Variants in LPCAT2 observed in about 807,000 individuals in gnomAD.
The protein encoded by LPCAT2 is lysophosphatidylcholine acyltransferase 2.
LPCAT2 carries 58 observed loss-of-function variants against 64.7 expected under a neutral mutation model. The ratio of observed to expected loss-of-function variants is 0.90; its 90% CI spans 0.73 to 1.12. LPCAT2 has a LOEUF of 1.12. Ranked by LOEUF, LPCAT2 falls within the 50% of genes most tolerant of loss-of-function variation. The probability of loss-of-function intolerance (pLI) is 0.00; values close to 1 mark genes in which losing one functional copy is unlikely to be tolerated. For missense variants in LPCAT2, 579 were observed against 669.8 expected (o/e 0.86, Z 1.50); for synonymous variants, 252 against 245.3 (o/e 1.03, Z -0.26).
At chr16:55,514,890 T>TG (rs1962986721) in intron 1 of LPCAT2, among the ~76,000 whole-genome samples, 1 of 141,236 alleles carries the variant, frequency 7.1e-6, no homozygotes, top group Admixed American at 7.1e-5. Context: ...ATGCAATGCA[T>TG]TGTGTGTGTG....
At chr16:55,574,341 C>T (rs1963803231) in intron 11 of LPCAT2, among the ~76,000 whole-genome samples, 1 of 152,188 alleles carries the variant, frequency 6.6e-6, no homozygotes, top group Admixed American at 6.5e-5. Flanking sequence ...CCCAGAGGGG[C>T]TCCCATCATG....
intron 11 of LPCAT2, 104 bp from the exon 12 acceptor site, chr16:55,574,527 T>C (rs1340964541): frequency 3.9e-6 from 3 of 762,626 alleles, no homozygotes; most frequent in Non-Finnish European, 7.0e-6. Flanking sequence ...AAATAGTGAA[T>C]GATGAGGTTG....
chr16:55,576,713 A>T (rs1442861528), intron 12 of LPCAT2, among the ~76,000 whole-genome samples: 4 of 152,144 alleles, frequency 2.6e-5, no homozygotes, highest in African/African-American at 9.7e-5. Context: ...CAATGGGGAG[A>T]TATCAGTCCC....
At chr16:55,521,271 G>T (rs1381154351) in intron 1 of LPCAT2, among the ~76,000 whole-genome samples, 22 of 151,834 alleles carry the variant, frequency 1.4e-4, no homozygotes, top group African/African-American at 5.3e-4. Context: ...ATCAAAAATA[G>T]ACACAAGAAC....
At chr16:55,538,338 TC>T (rs1963349896) in intron 8 of LPCAT2, 1 of 152,212 alleles carries the variant, frequency 6.6e-6, no homozygotes, top group African/African-American at 2.4e-5. Flanking sequence ...ATAATGGGTC[TC>T]CTAGATTTTC....
rs746826897 is a variant in LPCAT2 at position 55,579,234 on chromosome 16, A to G, written c.1440A>G (p.Ser480=). 9 of 1,612,836 alleles carry G rather than the reference A, an allele frequency of 5.6e-6. No individual in the cohort carries two copies. The highest frequency in any genetic ancestry group is 7.6e-6 in the Non-Finnish European group (9 of 1,179,384). Reference sequence around the variant, plus strand: ...TCAAGGAAATAGCCCAAGGGGACTCAATTTCCTATGGTGAGTAGGCAATCT... The same window carrying G: ...TCAAGGAAATAGCCCAAGGGGACTCGATTTCCTATGGTGAGTAGGCAATCT... The part of the protein sequence containing the change: ...GLFKEIAQGD[S]ISYEEFKSFA... The change falls in exon 13 of 14, where the codon TCA becomes TCG. Residue 480 remains serine (S), a synonymous_variant. Transcript: ENST00000262134.
chr16:55,573,403 T>G (rs1296570649), intron 11 of LPCAT2, among the ~76,000 whole-genome samples: 1 of 151,782 alleles, frequency 6.6e-6, no homozygotes, highest in Admixed American at 6.6e-5. Context: ...TGTTTTTTTT[T>G]TTCTTAGCCC....
intron 1 of LPCAT2, among the ~76,000 whole-genome samples, chr16:55,522,645 T>C (rs1963113587): frequency 6.6e-6 from 1 of 151,754 alleles, no homozygotes; most frequent in South Asian, 2.1e-4. Context: ...AACAGATCAA[T>C]GCAACAGAAA....
chr16:55,542,040 T>G (rs1229991240), intron 8 of LPCAT2: 4 of 1,035,480 alleles, frequency 3.9e-6, no homozygotes, highest in Non-Finnish European at 3.7e-6. Context: ...TTCTTCAATC[T>G]TCCTCATCAT....
chr16:55,511,579 G>A lies in LPCAT2; in HGVS notation c.171+2227G>A, dbSNP rs115343233. Among the ~76,000 whole-genome samples, 685 of 152,240 alleles carry A rather than the reference G, an allele frequency of 4.5e-3. 4 individuals are homozygous for A. The highest frequency in any genetic ancestry group is 0.016 in the African/African-American group (651 of 41,536). ...CTCATGTTTTAGTAAGTGTAATGAA[G>A]GAAAACCAGAGAATAACACTGAGAG... On this transcript the variant is annotated intron_variant, in intron 1 of 13. Coordinates refer to ENST00000262134, the MANE Select transcript of LPCAT2 (RefSeq NM_017839.5).
intron 11 of LPCAT2, among the ~76,000 whole-genome samples, chr16:55,568,963 C>T (rs573913016): frequency 1.8e-3 from 268 of 152,282 alleles, no homozygotes; most frequent in Non-Finnish European, 1.5e-3. Context: ...CCTCTGTCTG[C>T]TATTTAATTG....
At chr16:55,557,618 G>C (rs1963591900) in intron 11 of LPCAT2, among the ~76,000 whole-genome samples, 1 of 152,118 alleles carries the variant, frequency 6.6e-6, no homozygotes, top group Non-Finnish European at 1.5e-5. Flanking sequence ...TTCCTGTAGT[G>C]GAAAATGCTC....
rs11335464 is a variant in LPCAT2 at position 55,533,406 on chromosome 16, G to GTTTTTT, written c.762+541_762+546dup. 6.8e-3 allele frequency among the ~76,000 whole-genome samples: 655 copies of GTTTTTT among 96,438 alleles called. 24 individuals carry two copies. Among genetic ancestry groups the GTTTTTT allele is most frequent in the African/African-American group, 0.022 (540 of 24,294 alleles). 63.3% of individuals were successfully genotyped at this position (96,438 alleles called of 152,430 possible). On this transcript the variant is annotated intron_variant, in intron 6 of 13. Coordinates refer to ENST00000262134, the MANE Select transcript of LPCAT2 (RefSeq NM_017839.5). Reference sequence around the variant, plus strand: ...CTTAACATCTTTTTTTGTTTTTCGGGTTTTTTTTTTTTTTTTTTTTTTGAG... The same window carrying GTTTTTT: ...CTTAACATCTTTTTTTGTTTTTCGGGTTTTTTTTTTTTTTTTTTTTTTTTTTTTGAG...
chr16:55,551,340 CAT>C (rs879314834), intron 11 of LPCAT2: 33 of 175,166 alleles, frequency 1.9e-4, no homozygotes, highest in African/African-American at 7.6e-4. Flanking sequence ...CATATCATAT[CAT>C]ATATATATCT....
chr16:55,564,910 C>T (rs1963675736), intron 11 of LPCAT2, among the ~76,000 whole-genome samples: 1 of 151,826 alleles, frequency 6.6e-6, no homozygotes, highest in Non-Finnish European at 1.5e-5. Context: ...AGGTAACCTA[C>T]AGAATGAAAG....
At chr16:55,532,916 A>G (rs755514052) in intron 6 of LPCAT2, 34 bp downstream of exon 6, 8 of 1,529,124 alleles carry the variant, frequency 5.2e-6, no homozygotes, top group Non-Finnish European at 9.1e-7. Context: ...GAAGAATTTC[A>G]GTATTCCAAG....
In LPCAT2 at chr16:55,574,711, C is replaced by A; in HGVS notation, c.1296C>A (p.Ile432=). ...VLCNPSNTEE[I]IQVAFKLFDV... is the part of the protein sequence containing the mutation. Reference sequence around the variant, plus strand: ...GCAACCCTTCCAACACAGAGGAGATCATCCAGGTGGCATTTAAGGTACTGT... The same window carrying A: ...GCAACCCTTCCAACACAGAGGAGATAATCCAGGTGGCATTTAAGGTACTGT... Residue 432 remains isoleucine, a synonymous_variant, in exon 12 of 14, where the codon ATC becomes ATA. Coordinates refer to ENST00000262134, the MANE Select transcript of LPCAT2 (RefSeq NM_017839.5). The A allele has an allele frequency of 6.2e-7, 1 of 1,613,432 alleles. No individual in the cohort carries two copies. Among genetic ancestry groups the A allele is most frequent in the Non-Finnish European group, 8.5e-7 (1 of 1,179,524 alleles).
intron 11 of LPCAT2, among the ~76,000 whole-genome samples, chr16:55,561,286 A>G (rs1188627822): frequency 6.7e-6 from 1 of 149,690 alleles, no homozygotes; most frequent in Non-Finnish European, 1.5e-5. Flanking sequence ...ATTGTGTCTC[A>G]TTGTGTACTT....
intron 11 of LPCAT2, among the ~76,000 whole-genome samples, chr16:55,561,647 C>T (rs74021218): frequency 0.026 from 3,934 of 151,854 alleles, 82 homozygotes; most frequent in African/African-American, 0.055. Flanking sequence ...ATATGACAGT[C>T]GATATTATCA....
Sources: allele counts gnomAD v4.1 joint callset (sites outside exome capture counted in the v4.1 genomes callset), GRCh38; gene constraint gnomAD v4.1.1; transcripts MANE v1.5; gene names NCBI Gene and HGNC (gene_info 2026-07-23, HGNC 2026-07-21).